Variants in STARD3NL observed in about 807,000 individuals in gnomAD.
STARD3NL encodes the protein STARD3 N-terminal-like protein.
STARD3NL carries 17 observed loss-of-function variants against 30.9 expected under a neutral mutation model. That is an observed-to-expected ratio of 0.55 (90% CI 0.38 to 0.82). The LOEUF (loss-of-function observed/expected upper bound fraction) is 0.82. Among genes scored for constraint, STARD3NL ranks in the 40% least tolerant of loss-of-function variants. The pLI, the probability that STARD3NL is intolerant of heterozygous loss-of-function variation, is 0.00. For missense variants in STARD3NL, 234 were observed against 277.6 expected (o/e 0.84, Z 1.12); for synonymous variants, 112 against 100.5 (o/e 1.11, Z -0.69).
chr7:38,202,504 T>C (rs143889795), intron 1 of STARD3NL, among the ~76,000 whole-genome samples: 264 of 152,296 alleles, frequency 1.7e-3, no homozygotes, highest in African/African-American at 6.0e-3. Context: ...GAAAATATAA[T>C]CTCATTAGTC....
At chr7:38,180,199 A>G (rs945117984) in intron 1 of STARD3NL, among the ~76,000 whole-genome samples, 3 of 152,184 alleles carry the variant, frequency 2.0e-5, no homozygotes, top group Non-Finnish European at 2.9e-5. Context: ...TATTGTGTAT[A>G]TATTTTTTCT....
chr7:38,222,999 T>C (rs1451593855), intron 7 of STARD3NL, among the ~76,000 whole-genome samples: 2 of 152,128 alleles, frequency 1.3e-5, no homozygotes, highest in African/African-American at 4.8e-5. Flanking sequence ...TAAGCTGCTG[T>C]TGCCCTGCTA....
chr7:38,196,788 G>T (rs1238215649), intron 1 of STARD3NL, among the ~76,000 whole-genome samples: 1 of 151,486 alleles, frequency 6.6e-6, no homozygotes, highest in African/African-American at 2.4e-5. Context: ...CTATTAATTT[G>T]GATGTAATTT....
Position 38,214,384 on chromosome 7 carries a change from G to A in STARD3NL, c.253G>A (p.Glu85Lys). The change falls in exon 3 of 9, where the codon GAG (glutamate) becomes AAG (lysine). Residue 85 changes from glutamate (E) to lysine (K), a missense_variant. By Grantham distance (56) the Glu-to-Lys change is moderately conservative. Transcript: ENST00000009041. ...GAATGGAGGCATTGAGAACACATTA[G>A]AGAAGGAGGTGATGCAGTATGACTA... ...NVNGGIENTL[E>K]KEVMQYDYYS... is the part of the protein sequence containing the mutation. The A allele has an allele frequency of 6.2e-7, 1 of 1,608,322 alleles. No homozygotes were observed. Among genetic ancestry groups the A allele is most frequent in the Non-Finnish European group, 8.5e-7 (1 of 1,175,794 alleles).
rs765149671 is a variant in STARD3NL, at chr7:38,230,521, T to A, written c.*616T>A. 6.6e-6 allele frequency: 1 copy of A among 152,260 alleles called. No individual in the cohort carries two copies. The highest frequency in any genetic ancestry group is 6.5e-5 in the Admixed American group (1 of 15,288). The allele number at this position is 152,260 out of a possible 1,614,324, so 9.4% of individuals were successfully genotyped here. A position where few individuals can be genotyped will look rare whatever the true frequency, so the allele number is the denominator to read the frequency against. Reference sequence around the variant, plus strand: ...ATACATGTAAAATGTCACCAGACATTTGTATTATTTTTATCATGAAATCAT... The same window carrying A: ...ATACATGTAAAATGTCACCAGACATATGTATTATTTTTATCATGAAATCAT... On this transcript the variant is annotated 3_prime_UTR_variant, in exon 9 of 9. Transcript: ENST00000009041.
At chr7:38,192,003 C>T (rs143800438) in intron 1 of STARD3NL, among the ~76,000 whole-genome samples, 264 of 152,182 alleles carry the variant, frequency 1.7e-3, no homozygotes, top group African/African-American at 6.0e-3. Context: ...ATGAATTCTT[C>T]CAATCCATGA....
chr7:38,197,192 CTTTT>C (rs773064118), intron 1 of STARD3NL, among the ~76,000 whole-genome samples: 2 of 143,080 alleles, frequency 1.4e-5, no homozygotes, highest in Non-Finnish European at 3.0e-5. Context: ...TTCTTTCTTT[CTTTT>C]TCTCTCTCTC....
chr7:38,215,773 C>T (rs1226127780), intron 4 of STARD3NL: 3 of 152,296 alleles, frequency 2.0e-5, no homozygotes, highest in African/African-American at 4.8e-5. Flanking sequence ...GCTCCTCAGA[C>T]TAGAGAGAGC....
chr7:38,190,812 C>G (rs1481071143), intron 1 of STARD3NL, among the ~76,000 whole-genome samples: 1 of 152,190 alleles, frequency 6.6e-6, no homozygotes, highest in Non-Finnish European at 1.5e-5. Context: ...ACATTGACTT[C>G]TCTGAAGAGT....
intron 8 of STARD3NL, among the ~76,000 whole-genome samples, chr7:38,229,284 G>A (rs1330534858): frequency 1.3e-5 from 2 of 152,180 alleles, no homozygotes; most frequent in Admixed American, 1.3e-4. Context: ...CTTATCCAAG[G>A]TTGCACAGCT....
At chr7:38,205,772 A>G (rs1785429920) in intron 1 of STARD3NL, among the ~76,000 whole-genome samples, 1 of 152,202 alleles carries the variant, frequency 6.6e-6, no homozygotes, top group Admixed American at 6.5e-5. Flanking sequence ...ACCACTACTC[A>G]GGTAAAGAAA....
intron 7 of STARD3NL, among the ~76,000 whole-genome samples, chr7:38,220,727 G>A (rs900768626): frequency 1.3e-5 from 2 of 152,200 alleles, no homozygotes; most frequent in Non-Finnish European, 2.9e-5. Flanking sequence ...TAGCTAAATG[G>A]TGGAAACAAA....
intron 1 of STARD3NL, among the ~76,000 whole-genome samples, chr7:38,182,564 G>A (rs763580895): frequency 1.2e-4 from 18 of 152,172 alleles, no homozygotes; most frequent in Non-Finnish European, 2.4e-4. Context: ...CTGATGTCCT[G>A]TGTTGGAACT....
At chr7:38,202,930 T>A (rs866387291) in intron 1 of STARD3NL, among the ~76,000 whole-genome samples, 2 of 152,002 alleles carry the variant, frequency 1.3e-5, no homozygotes, top group Admixed American at 1.3e-4. Context: ...TGCATAGTAT[T>A]CCATGGTGTA....
At chr7:38,207,819 T>A in intron 2 of STARD3NL, 90 bp downstream of exon 2, 1 of 1,239,666 alleles carries the variant, frequency 8.1e-7, no homozygotes, top group Non-Finnish European at 1.1e-6. Context: ...TTTGTTTCAT[T>A]TAGTAATTTC....
chr7:38,193,464 A>C (rs1163184904), intron 1 of STARD3NL, among the ~76,000 whole-genome samples: 2 of 151,936 alleles, frequency 1.3e-5, no homozygotes, highest in African/African-American at 4.8e-5. Flanking sequence ...ACGCCCGGCT[A>C]ATTTTTTGTA....
intron 2 of STARD3NL, among the ~76,000 whole-genome samples, chr7:38,213,684 A>G (rs918127638): frequency 1.3e-5 from 2 of 152,202 alleles, no homozygotes; most frequent in African/African-American, 4.8e-5. Flanking sequence ...ATTATGCTCC[A>G]TAGTTTCATT....
In STARD3NL at chr7:38,217,337, C is replaced by T. The variant is rs6959603; in HGVS notation, c.553+32C>T. ...TCCTCTCAAAGTCAGCCTCCTGAGG[C>T]GGACTGGATACCAAGCTGGGAGGAA... is the stretch of plus-strand genomic sequence containing the variant. On this transcript the variant is annotated intron_variant, in intron 6 of 8. Transcript: ENST00000009041. The T allele has an allele frequency of 0.097, 154,898 of 1,600,114 alleles. 8,434 individuals are homozygous for T. Among genetic ancestry groups the T allele is most frequent in the Non-Finnish European group, 0.11 (128,701 of 1,169,098 alleles).
At chr7:38,226,420 C>T (rs1057491759) in intron 7 of STARD3NL, among the ~76,000 whole-genome samples, 8 of 152,070 alleles carry the variant, frequency 5.3e-5, no homozygotes, top group Non-Finnish European at 1.0e-4. Context: ...TGTCTAGAGC[C>T]TACTGATTAG....
Sources: allele counts gnomAD v4.1 joint callset (sites outside exome capture counted in the v4.1 genomes callset), GRCh38; gene constraint gnomAD v4.1.1; transcripts MANE v1.5; gene names NCBI Gene and HGNC (gene_info 2026-07-23, HGNC 2026-07-21).